The following RANBP2 variants were observed in gnomAD, a reference collection of about 807,000 sequenced individuals.
RANBP2 encodes the protein E3 SUMO-protein ligase RanBP2.
A neutral mutation model predicts 303.6 loss-of-function variants in RANBP2; 57 were observed. That is an observed-to-expected ratio of 0.19 (90% CI 0.15 to 0.23). The LOEUF is 0.23. Ranked by LOEUF, RANBP2 falls within the 10% of genes least tolerant of loss-of-function variation. RANBP2 has a pLI of 1.00. For missense variants in RANBP2, 3,138 were observed against 3,780.8 expected, an observed-to-expected ratio of 0.83 and a Z score of 4.46; for synonymous variants, 1,167 against 1,301.5, an observed-to-expected ratio of 0.90 and a Z score of 2.23.
chr2:109,728,532 A>G, the RANBP2 span, among the ~76,000 whole-genome samples: 2 of 151,276 alleles, frequency 1.3e-5, no homozygotes, highest in Admixed American at 6.6e-5. Flanking sequence ...CTTGGCTCAC[A>G]GCAACCTCCG....
intron 4 of RANBP2, among the ~76,000 whole-genome samples, chr2:108,734,898 TAA>T (rs979695929): frequency 6.6e-6 from 1 of 151,242 alleles, no homozygotes; most frequent in Non-Finnish European, 1.5e-5. Context: ...TACAGAACGT[TAA>T]AAAAAAATTA....
chr2:109,304,781 G>A, the RANBP2 span, among the ~76,000 whole-genome samples: 4 of 152,190 alleles, frequency 2.6e-5, no homozygotes, highest in Non-Finnish European at 4.4e-5. Context: ...GCAGGGACCC[G>A]GCTCAGCCCT....
chr2:108,999,946 C>T, the RANBP2 span, among the ~76,000 whole-genome samples: 88 of 152,266 alleles, frequency 5.8e-4, 2 homozygotes, highest in South Asian at 0.017. Flanking sequence ...ATCTTATGTG[C>T]CTTTGCCCAG....
chr2:109,594,409 T>C, the RANBP2 span, among the ~76,000 whole-genome samples: 1 of 152,164 alleles, frequency 6.6e-6, no homozygotes, highest in Non-Finnish European at 1.5e-5. Flanking sequence ...AGGCTGTGCA[T>C]GTCTAAGCAG....
the RANBP2 span, among the ~76,000 whole-genome samples, chr2:109,293,874 C>G: frequency 7.2e-5 from 11 of 152,212 alleles, no homozygotes; most frequent in Non-Finnish European, 1.2e-4. Context: ...ACATTTCCCT[C>G]CTGTGAAACA....
the RANBP2 span, among the ~76,000 whole-genome samples, chr2:109,608,348 C>A: frequency 5.3e-5 from 8 of 152,216 alleles, no homozygotes; most frequent in Non-Finnish European, 1.0e-4. Context: ...TTTGTGAACT[C>A]TTTCTATGTA....
chr2:109,085,400 T>C, the RANBP2 span, among the ~76,000 whole-genome samples: 1 of 152,104 alleles, frequency 6.6e-6, no homozygotes, highest in Non-Finnish European at 1.5e-5. Context: ...GCCTCCTGAG[T>C]TCACGCCATT....
At chr2:109,228,219 A>G in the RANBP2 span, among the ~76,000 whole-genome samples, 5 of 152,130 alleles carry the variant, frequency 3.3e-5, no homozygotes, top group Non-Finnish European at 5.9e-5. Flanking sequence ...CAGCCCTCCT[A>G]GTCCCCAGGA....
At chr2:108,838,859 A>G in the RANBP2 span, among the ~76,000 whole-genome samples, 1 of 152,130 alleles carries the variant, frequency 6.6e-6, no homozygotes, top group East Asian at 1.9e-4. Context: ...ATGGCAATAA[A>G]TATAAATCTA....
chr2:109,192,161 C>T, the RANBP2 span, among the ~76,000 whole-genome samples: 1 of 152,116 alleles, frequency 6.6e-6, no homozygotes, highest in Non-Finnish European at 1.5e-5. Context: ...GAGAGCGGTT[C>T]GGTTCTACAT....
chr2:109,030,699 G>A, the RANBP2 span, among the ~76,000 whole-genome samples: 1 of 152,108 alleles, frequency 6.6e-6, no homozygotes, highest in Non-Finnish European at 1.5e-5. Context: ...GGACCACTTT[G>A]GTTTATATAA....
At chr2:109,285,292 A>C in the RANBP2 span, among the ~76,000 whole-genome samples, 11 of 152,306 alleles carry the variant, frequency 7.2e-5, no homozygotes, top group African/African-American at 2.6e-4. Flanking sequence ...ACACCTCCTC[A>C]TAACCTCCTG....
chr2:109,123,692 G>C, the RANBP2 span, among the ~76,000 whole-genome samples: 1 of 152,164 alleles, frequency 6.6e-6, no homozygotes, highest in African/African-American at 2.4e-5. Context: ...TGAAATGGAG[G>C]TACCACATTA....
chr2:108,929,346 C>CA, the RANBP2 span: 1 of 1,614,112 alleles, frequency 6.2e-7, no homozygotes, highest in South Asian at 1.1e-5. Context: ...GGGACGCAGC[C>CA]GTAGTCCTCG....
the RANBP2 span, among the ~76,000 whole-genome samples, chr2:109,120,585 G>A: frequency 1.4e-5 from 2 of 147,254 alleles, no homozygotes; most frequent in Non-Finnish European, 3.0e-5. Flanking sequence ...TCCAGTTCAC[G>A]TCCATCAAAA....
the RANBP2 span, among the ~76,000 whole-genome samples, chr2:109,418,373 C>T: frequency 6.6e-6 from 1 of 152,302 alleles, no homozygotes; most frequent in East Asian, 1.9e-4. Flanking sequence ...TGTTCTCTCA[C>T]AGCTCTAGAG....
At chr2:108,968,360 C>A in the RANBP2 span, among the ~76,000 whole-genome samples, 7 of 152,210 alleles carry the variant, frequency 4.6e-5, no homozygotes, top group East Asian at 7.7e-4. Context: ...GATTATGCAT[C>A]CCTATAGAAA....
the RANBP2 span, chr2:108,856,912 C>T: frequency 6.2e-7 from 1 of 1,612,982 alleles, no homozygotes; most frequent in Middle Eastern, 1.7e-4. Flanking sequence ...TAAGAATATC[C>T]AGTAAAGGAC....
the RANBP2 span, among the ~76,000 whole-genome samples, chr2:109,046,593 T>C: frequency 6.6e-6 from 1 of 151,988 alleles, no homozygotes; most frequent in South Asian, 2.1e-4. Context: ...TTGGCCAGGC[T>C]AGTCTCAAAC....
Sources: allele counts gnomAD v4.1 joint callset (sites outside exome capture counted in the v4.1 genomes callset), GRCh38; gene constraint gnomAD v4.1.1; transcripts MANE v1.5; gene names NCBI Gene and HGNC (gene_info 2026-07-23, HGNC 2026-07-21).